YEATS2: variants seen among roughly 807,000 people sequenced by gnomAD.
The protein encoded by YEATS2 is YEATS domain containing 2, also known as YEATS domain-containing protein 2.
YEATS2 carries 77 observed loss-of-function variants against 163.2 expected under a neutral mutation model. The ratio of observed to expected loss-of-function variants is 0.47; its 90% confidence interval spans 0.39 to 0.57. YEATS2 has a LOEUF of 0.57. Among genes scored for constraint, YEATS2 ranks in the 20% least tolerant of loss-of-function variants. The pLI is 0.00. For missense variants in YEATS2, 1,549 were observed against 1,729.8 expected (o/e 0.90, Z 1.85); for synonymous variants, 631 against 645.1 (o/e 0.98, Z 0.33).
chr3:183,773,616 C>A lies in YEATS2; in HGVS notation c.2207-17C>A. ...GTTTCAATTTATCTTACAATTTTTTCTCCTTTACCATTTTAGTAATGGCAA... is the reference window on the plus strand; with the variant it reads ...GTTTCAATTTATCTTACAATTTTTTATCCTTTACCATTTTAGTAATGGCAA... On this transcript the variant is annotated splice_polypyrimidine_tract_variant and intron_variant, in intron 16 of 30. Transcript: ENST00000305135. The A allele has an allele frequency of 6.4e-7, 1 of 1,561,838 alleles. No individual in the cohort carries two copies.
chr3:183,752,079 G>T lies in YEATS2; in HGVS notation c.976G>T (p.Asp326Tyr). 1 of 1,614,002 alleles carries T rather than the reference G, an allele frequency of 6.2e-7. No homozygotes were observed. The highest frequency in any genetic ancestry group is 1.1e-5 in the South Asian group (1 of 91,062). Residue 326 changes from aspartate (D) to tyrosine (Y), a missense_variant, in exon 10 of 31, where the codon GAT becomes TAT. Physicochemically the swap from Asp to Tyr is radical, Grantham distance 160. Transcript: ENST00000305135. ...LQTLGAETVV[D>Y]VELHRHSLGE... The stretch of plus-strand genomic sequence containing the variant: ...TTGTTGCCCAATTGTCTAGGTAGTG[G>T]ATGTTGAACTCCATCGCCATTCTCT...
chr3:183,803,191 G>T, intron 25 of YEATS2, 65 bp from the exon 26 acceptor site: 1 of 1,554,590 alleles, frequency 6.4e-7, no homozygotes, highest in Non-Finnish European at 8.8e-7. Context: ...CTTGCCTCCA[G>T]CAAATGACGT....
At chr3:183,714,198 T>A (rs989012006) in intron 1 of YEATS2, among the ~76,000 whole-genome samples, 49 of 129,714 alleles carry the variant, frequency 3.8e-4, no homozygotes, top group African/African-American at 1.5e-3. Context: ...ATTTATGGGA[T>A]TTTTTTTTTT....
At chr3:183,806,021 TCTGA>T (rs965372005) in intron 27 of YEATS2, among the ~76,000 whole-genome samples, 5 of 152,058 alleles carry the variant, frequency 3.3e-5, no homozygotes, top group Non-Finnish European at 7.4e-5. Flanking sequence ...TTCCTTTTAA[TCTGA>T]CTGATTCCAA....
intron 8 of YEATS2, among the ~76,000 whole-genome samples, chr3:183,737,825 T>C (rs981821503): frequency 2.0e-5 from 3 of 152,196 alleles, no homozygotes; most frequent in Non-Finnish European, 4.4e-5. Flanking sequence ...AGGCATACTT[T>C]GTTTCATTGC....
At chr3:183,789,071 C>G (rs1246108567) in intron 20 of YEATS2, among the ~76,000 whole-genome samples, 3 of 152,182 alleles carry the variant, frequency 2.0e-5, no homozygotes, top group Non-Finnish European at 4.4e-5. Context: ...TCCTCCCATT[C>G]TGTGGGCTGT....
chr3:183,749,050 C>T lies in YEATS2; in HGVS notation c.969+1334C>T, dbSNP rs1473046757. 3.9e-5 allele frequency among the ~76,000 whole-genome samples: 6 copies of T among 152,254 alleles called. No individual in the cohort carries two copies. In the East Asian group the frequency reaches 7.7e-4, roughly 20 times the overall value. ...CTCCGCCTCCCGGGTTCACGCCATTCTCCTGCTTCAGCCTCCCAAGTAGCT... is the reference window on the plus strand; with the variant it reads ...CTCCGCCTCCCGGGTTCACGCCATTTTCCTGCTTCAGCCTCCCAAGTAGCT... On this transcript the variant is annotated intron_variant, in intron 9 of 30. Transcript: ENST00000305135.
At chr3:183,740,612 A>T (rs904113207) in intron 8 of YEATS2, among the ~76,000 whole-genome samples, 1 of 151,480 alleles carries the variant, frequency 6.6e-6, no homozygotes, top group Non-Finnish European at 1.5e-5. Flanking sequence ...GTCAAGACTG[A>T]GAGGGGTGAG....
intron 16 of YEATS2, among the ~76,000 whole-genome samples, 195 bp downstream of exon 16, chr3:183,772,758 T>TACAC (rs139500481): frequency 4.2e-3 from 332 of 78,840 alleles, no homozygotes; most frequent in African/African-American, 8.0e-3. Context: ...GCTTTAAATT[T>TACAC]ACACACACAC....
chr3:183,708,635 G>T (rs1295159414), intron 1 of YEATS2, among the ~76,000 whole-genome samples: 1 of 152,072 alleles, frequency 6.6e-6, no homozygotes, highest in African/African-American at 2.4e-5. Context: ...GAAGGCCAAG[G>T]CCAGAGGATC....
chr3:183,741,102 A>T (rs1718911082), intron 8 of YEATS2, among the ~76,000 whole-genome samples: 1 of 151,506 alleles, frequency 6.6e-6, no homozygotes, highest in African/African-American at 2.4e-5. Context: ...CCACGCGCGG[A>T]TAATTTTTGT....
intron 1 of YEATS2, among the ~76,000 whole-genome samples, chr3:183,711,587 A>T (rs1715228217): frequency 6.6e-6 from 1 of 152,178 alleles, no homozygotes; most frequent in Non-Finnish European, 1.5e-5. Flanking sequence ...ATGAACAAAC[A>T]TTAAATGGCT....
intron 1 of YEATS2, among the ~76,000 whole-genome samples, chr3:183,706,141 C>A (rs543715077): frequency 2.5e-4 from 38 of 151,800 alleles, no homozygotes; most frequent in African/African-American, 8.7e-4. Context: ...GGATGGGGCA[C>A]GGTCAAGGAA....
chr3:183,783,741 T>C (rs145904856), intron 19 of YEATS2, among the ~76,000 whole-genome samples: 86 of 152,334 alleles, frequency 5.6e-4, no homozygotes, highest in South Asian at 1.0e-3. Context: ...TACCTTTTCA[T>C]GGCTGTGTGG....
At chr3:183,775,477 C>T (rs1437283588) in intron 17 of YEATS2, among the ~76,000 whole-genome samples, 1 of 152,186 alleles carries the variant, frequency 6.6e-6, no homozygotes, top group Non-Finnish European at 1.5e-5. Context: ...CGCCTGTAGT[C>T]CCAGCTCCTT....
intron 19 of YEATS2, among the ~76,000 whole-genome samples, chr3:183,783,178 A>G (rs1192014265): frequency 1.3e-5 from 2 of 152,256 alleles, no homozygotes; most frequent in African/African-American, 2.4e-5. Context: ...TCTCTAAGAC[A>G]GGACTAAAAC....
chr3:183,806,116 C>T (rs1726170184), intron 27 of YEATS2: 2 of 362,784 alleles, frequency 5.5e-6, no homozygotes, highest in South Asian at 2.1e-5. Flanking sequence ...GGCATCAGCA[C>T]ATACCTTGAC....
chr3:183,723,648 TCA>T (rs1285100005), intron 5 of YEATS2, among the ~76,000 whole-genome samples: 2 of 152,224 alleles, frequency 1.3e-5, no homozygotes, highest in African/African-American at 2.4e-5. Flanking sequence ...GCGTGGTGGC[TCA>T]CGCCTGTAAT....
intron 8 of YEATS2, among the ~76,000 whole-genome samples, chr3:183,745,455 G>A (rs571765874): frequency 3.3e-5 from 5 of 152,156 alleles, no homozygotes; most frequent in East Asian, 1.9e-4. Flanking sequence ...GCCTTGGGCC[G>A]TCTTTCCTTG....
Sources: allele counts gnomAD v4.1 joint callset (sites outside exome capture counted in the v4.1 genomes callset), GRCh38; gene constraint gnomAD v4.1.1; transcripts MANE v1.5; gene names NCBI Gene and HGNC (gene_info 2026-07-23, HGNC 2026-07-21).